INSR: variants seen among roughly 807,000 people sequenced by gnomAD.
The protein encoded by INSR is insulin receptor, also known as IR.
A neutral mutation model predicts 142.6 loss-of-function variants in INSR; 67 were observed. That is an observed-to-expected ratio of 0.47 (90% CI 0.39 to 0.58). The LOEUF (loss-of-function observed/expected upper bound fraction) is 0.58. INSR is among the 20% of genes least tolerant of loss of function. INSR has a pLI of 0.00. For missense variants in INSR, 1,248 were observed against 1,833.2 expected (o/e 0.68, Z 5.83); for synonymous variants, 756 against 743.1 (o/e 1.02, Z -0.28).
chr19:7,172,557 A>T, intron 4 of INSR, 123 bp from the exon 5 acceptor site: 1 of 1,045,668 alleles, frequency 9.6e-7, no homozygotes, highest in Non-Finnish European at 1.5e-6. Context: ...CTCAAAACTC[A>T]TCATGCTTAG....
rs1599858995 is a variant in INSR at position 7,112,939 on chromosome 19, G to A, written c.*4117C>T. ...AATTAATATTCTGAAGAACATGCTG[G>A]AAGATTTTCTGAAGTGACACCCCTC... On this transcript the variant is annotated 3_prime_UTR_variant, in exon 22 of 22. Coordinates refer to ENST00000302850, the MANE Select transcript of INSR (RefSeq NM_000208.4). 1 of 152,014 alleles carries A rather than the reference G, an allele frequency of 6.6e-6. No individual in the cohort carries two copies. Among genetic ancestry groups the A allele is most frequent in the East Asian group, 1.9e-4 (1 of 5,184 alleles). 9.4% of individuals were successfully genotyped at this position (152,014 alleles called of 1,614,324 possible).
intron 2 of INSR, among the ~76,000 whole-genome samples, chr19:7,206,791 T>G (rs970326639): frequency 4.0e-5 from 6 of 151,050 alleles, no homozygotes; most frequent in Admixed American, 3.3e-4. Context: ...AAAAAAAGAG[T>G]CATCAAGGAA....
chr19:7,138,662 A>G (rs1416968808), intron 13 of INSR, among the ~76,000 whole-genome samples: 1 of 152,050 alleles, frequency 6.6e-6, no homozygotes, highest in Non-Finnish European at 1.5e-5. Flanking sequence ...ATGAGCCACC[A>G]TGCTTGGCCC....
intron 13 of INSR, among the ~76,000 whole-genome samples, chr19:7,135,549 T>A (rs1238435723): frequency 6.7e-6 from 1 of 149,382 alleles, no homozygotes; most frequent in Non-Finnish European, 1.5e-5. Flanking sequence ...TGGTGGCGGA[T>A]GGCGGGCCTG....
chr19:7,158,246 A>G (rs771200781), intron 9 of INSR, among the ~76,000 whole-genome samples: 6 of 152,000 alleles, frequency 3.9e-5, no homozygotes, highest in Non-Finnish European at 8.8e-5. Flanking sequence ...CACGCCTGTA[A>G]TCCCAGCACG....
intron 2 of INSR, among the ~76,000 whole-genome samples, chr19:7,201,694 A>T (rs62111429): frequency 7.7e-6 from 1 of 130,178 alleles, no homozygotes; most frequent in East Asian, 2.2e-4. Context: ...TTGGAGTCTC[A>T]CTCTGTCGCC....
Position 7,163,185 on chromosome 19 carries a change from G to A in INSR, c.1876C>T (p.Leu626=). The A allele has an allele frequency of 6.2e-7, 1 of 1,613,330 alleles. No homozygotes were observed. The highest frequency in any genetic ancestry group is 8.5e-7 in the Non-Finnish European group (1 of 1,179,460). The change falls in exon 9 of 22, where the codon CTG becomes TTG. Residue 626 remains leucine, a synonymous_variant. Transcript: ENST00000302850. ...GAGTTAGACACTGAGATTGGATCCA[G>A]GGGCACAGAGGGGTCTGTCAGGGAG... is the stretch of plus-strand genomic sequence containing the variant. ...QTDATNPSVP[L]DPISVSNSSS...
chr19:7,156,052 C>CTTTT (rs147889782), intron 9 of INSR, among the ~76,000 whole-genome samples: 7 of 67,346 alleles, frequency 1.0e-4, no homozygotes, highest in Non-Finnish European at 1.4e-4. Context: ...ATATGGAATT[C>CTTTT]TTTTTTTTTT....
chr19:7,208,867 G>T (rs1483427398), intron 2 of INSR, among the ~76,000 whole-genome samples: 2 of 152,232 alleles, frequency 1.3e-5, no homozygotes, highest in Admixed American at 1.3e-4. Context: ...GCTGGGCATG[G>T]TGGCGCGTGC....
intron 21 of INSR, among the ~76,000 whole-genome samples, chr19:7,118,840 G>C (rs766752397): frequency 2.7e-5 from 4 of 148,116 alleles, no homozygotes; most frequent in Non-Finnish European, 5.9e-5. Context: ...GTGTGAACCC[G>C]GGAGGCGGAG....
At chr19:7,270,339 TCACACACACACA>T (rs1178953100) in intron 1 of INSR, among the ~76,000 whole-genome samples, 16 of 120,248 alleles carry the variant, frequency 1.3e-4, no homozygotes, top group African/African-American at 5.1e-4. Context: ...TCTCTCTCTC[TCACACACACACA>T]CACACACACA....
chr19:7,120,738 T>C lies in INSR; in HGVS notation c.3541A>G (p.Thr1181Ala). The C allele has an allele frequency of 1.2e-6, 2 of 1,613,970 alleles. No individual in the cohort carries two copies. Among genetic ancestry groups the C allele is most frequent in the African/African-American group, 2.7e-5 (2 of 75,022 alleles). ...TAATCCGTTTCATAGATGTCTCTGG[T>C]CATTCCAAAGTCTGACAACACAAAA... ...FTVKIGDFGM[T>A]RDIYETDYYR... is the part of the protein sequence containing the mutation. Residue 1181 changes from threonine to alanine, a missense_variant, in exon 20 of 22, where the codon ACC becomes GCC. By Grantham distance (58) the Thr-to-Ala change is moderately conservative. Transcript: ENST00000302850.
chr19:7,145,632 C>G (rs1427176250), intron 11 of INSR, among the ~76,000 whole-genome samples: 1 of 152,158 alleles, frequency 6.6e-6, no homozygotes, highest in East Asian at 1.9e-4. Context: ...TTAAAGCAGC[C>G]CTACATGATG....
chr19:7,267,003 GC>G lies in INSR; in HGVS notation c.652+341del, dbSNP rs1328166468. 7.2e-5 allele frequency among the ~76,000 whole-genome samples: 11 copies of G among 152,188 alleles called. No homozygotes were observed. Among genetic ancestry groups the G allele is most frequent in the East Asian group, 5.8e-4 (3 of 5,178 alleles). On this transcript the variant is annotated intron_variant, in intron 2 of 21. Transcript: ENST00000302850. The surrounding 1 kb of genome is among the most constrained non-coding windows in gnomAD (Gnocchi z 6.3). ...TGACTAGCACAGGCGGTGGCAAACT[GC>G]TGCCCTCGAGCAAAATCCGGCCCAC...
chr19:7,199,179 G>A (rs937191615), intron 2 of INSR, among the ~76,000 whole-genome samples: 2 of 152,066 alleles, frequency 1.3e-5, no homozygotes, highest in East Asian at 3.9e-4. Flanking sequence ...ACTTTAAAGT[G>A]TGTAATCTGT....
At chr19:7,237,539 G>A (rs1338475718) in intron 2 of INSR, among the ~76,000 whole-genome samples, 1 of 151,640 alleles carries the variant, frequency 6.6e-6, no homozygotes, top group Admixed American at 6.6e-5. Flanking sequence ...AAATAGGCTG[G>A]GCGTGGTGGC....
chr19:7,287,882 A>T (rs1968383644), intron 1 of INSR, among the ~76,000 whole-genome samples: 1 of 152,184 alleles, frequency 6.6e-6, no homozygotes, highest in Non-Finnish European at 1.5e-5. Context: ...TATTTTGGCC[A>T]TGGAATTCCT....
At chr19:7,177,702 ATTTTTTTT>A (rs71177166) in intron 3 of INSR, among the ~76,000 whole-genome samples, 1 of 90,680 alleles carries the variant, frequency 1.1e-5, no homozygotes, top group Non-Finnish European at 2.1e-5. Flanking sequence ...CTAATTTTGT[ATTTTTTTT>A]TTTTTTTTTT....
At position 7,225,820 on chromosome 19, in the gene INSR, G is replaced by A. The variant is rs1016765666; in HGVS notation, c.653-41183C>T. Among the ~76,000 whole-genome samples, 31 of 152,298 alleles carry A rather than the reference G, an allele frequency of 2.0e-4. No individual in the cohort carries two copies. The highest frequency in any genetic ancestry group is 7.5e-4 in the African/African-American group (31 of 41,570). On this transcript the variant is annotated intron_variant, in intron 2 of 21. Transcript: ENST00000302850. This position sits in a 1 kb window ranked among gnomAD's most constrained non-coding sequence, Gnocchi z 4.7. Reference sequence around the variant, plus strand: ...TGCCCACCAGGAGACACCTGGCAGTGTCTGGAGACATTTGTGTTTGCCATG... The same window carrying A: ...TGCCCACCAGGAGACACCTGGCAGTATCTGGAGACATTTGTGTTTGCCATG...
Sources: gnomAD v4.1 joint callset for allele counts (sites outside exome capture counted in the v4.1 genomes callset) on GRCh38, gnomAD v4.1.1 for gene constraint, Gnocchi (gnomAD v3.1) non-coding constraint, MANE v1.5 for transcripts, NCBI Gene and HGNC (gene_info 2026-07-23, HGNC 2026-07-21) for gene names.